EVI5: variants seen among roughly 807,000 people sequenced by gnomAD.
EVI5 encodes ecotropic viral integration site 5 protein homolog.
A neutral mutation model predicts 112.0 loss-of-function variants in EVI5; 73 were observed. The ratio of observed to expected loss-of-function variants is 0.65; its 90% CI spans 0.54 to 0.79. EVI5 has a LOEUF of 0.79. Ranked by LOEUF, EVI5 falls within the 30% of genes least tolerant of loss-of-function variation. The pLI is 0.00. For synonymous variants in EVI5, 305 were observed against 319.9 expected (o/e 0.95, Z 0.50); for missense variants, 900 against 968.8 (o/e 0.93, Z 0.94).
At chr1:92,690,981 T>C (rs1669413307) in intron 9 of EVI5, among the ~76,000 whole-genome samples, 1 of 152,154 alleles carries the variant, frequency 6.6e-6, no homozygotes, top group African/African-American at 2.4e-5. Context: ...GATACAGAAG[T>C]TAAATGAGAT....
chr1:92,719,582 C>T (rs1279224962), intron 2 of EVI5, among the ~76,000 whole-genome samples: 1 of 151,984 alleles, frequency 6.6e-6, no homozygotes, highest in East Asian at 1.9e-4. Flanking sequence ...AAACCCACAG[C>T]CAATATCATA....
intron 19 of EVI5, among the ~76,000 whole-genome samples, chr1:92,524,879 G>A (rs981383786): frequency 1.3e-5 from 2 of 149,518 alleles, no homozygotes; most frequent in African/African-American, 2.5e-5. Context: ...AGGCTGGAGT[G>A]CAGTGGCGTG....
chr1:92,755,339 A>G (rs536589539), intron 1 of EVI5, among the ~76,000 whole-genome samples: 1 of 152,278 alleles, frequency 6.6e-6, no homozygotes, highest in South Asian at 2.1e-4. Context: ...TGAACCCAGG[A>G]GGCAGATATT....
chr1:92,744,600 TCA>T (rs961223051), intron 1 of EVI5, among the ~76,000 whole-genome samples: 664 of 28,024 alleles, frequency 0.024, 10 homozygotes, highest in African/African-American at 0.058. Flanking sequence ...TCTCTCTCTC[TCA>T]CACACACACA....
intron 13 of EVI5, among the ~76,000 whole-genome samples, chr1:92,642,403 G>T (rs980055401): frequency 5.3e-5 from 8 of 152,088 alleles, no homozygotes; most frequent in African/African-American, 1.9e-4. Flanking sequence ...AAAAATCTCC[G>T]TCCAGATTTA....
At chr1:92,523,427 AATTT>A (rs1324541093) in intron 19 of EVI5, among the ~76,000 whole-genome samples, 3 of 151,990 alleles carry the variant, frequency 2.0e-5, no homozygotes, top group Admixed American at 1.3e-4. Context: ...CATTTTAAAA[AATTT>A]ATTAATATAT....
chr1:92,631,864 T>C (rs927399264), intron 14 of EVI5, among the ~76,000 whole-genome samples: 5 of 152,246 alleles, frequency 3.3e-5, no homozygotes, highest in African/African-American at 9.6e-5. Flanking sequence ...CATTGATACC[T>C]AATTTATTGA....
intron 18 of EVI5, among the ~76,000 whole-genome samples, chr1:92,590,268 T>C (rs1353217536): frequency 3.9e-5 from 6 of 152,106 alleles, no homozygotes; most frequent in African/African-American, 1.2e-4. Context: ...GGACGGAGAA[T>C]GACTTTGACG....
intron 1 of EVI5, among the ~76,000 whole-genome samples, chr1:92,777,587 CTT>C (rs1223502711): frequency 6.6e-6 from 1 of 152,164 alleles, no homozygotes; most frequent in Non-Finnish European, 1.5e-5. Flanking sequence ...TCCTGACACT[CTT>C]TTCAGACAAC....
Position 92,703,594 on chromosome 1 carries a change from T to C in EVI5, c.365A>G (p.His122Arg), listed in dbSNP as rs927667778. 1 of 1,590,166 alleles carries C rather than the reference T, an allele frequency of 6.3e-7. No homozygotes were observed. The highest frequency in any genetic ancestry group is 8.5e-7 in the Non-Finnish European group (1 of 1,171,208). ...TTGCCAAACTATTGCTCTAAAGTGA[T>C]GGGGTATCCCTTTATGAACAAGTTC... ...VKELVHKGIP[H>R]HFRAIVWQLL... Residue 122 changes from histidine (H) to arginine (R), a missense_variant, in exon 4 of 20, where the codon CAT (histidine) becomes CGT (arginine). By Grantham distance (29) the His-to-Arg change is conservative. Transcript: ENST00000684568.
intron 19 of EVI5, among the ~76,000 whole-genome samples, chr1:92,562,513 G>C (rs1053529747): frequency 2.0e-5 from 3 of 152,070 alleles, no homozygotes; most frequent in Non-Finnish European, 4.4e-5. Context: ...CTGGCCGACA[G>C]AGCGAGACTC....
At chr1:92,754,980 T>C (rs1424076089) in intron 1 of EVI5, among the ~76,000 whole-genome samples, 2 of 152,060 alleles carry the variant, frequency 1.3e-5, no homozygotes, top group Non-Finnish European at 2.9e-5. Flanking sequence ...TACATGTAAG[T>C]ATAATGTTAT....
At chr1:92,718,083 CAAT>C (rs1159882719) in intron 2 of EVI5, among the ~76,000 whole-genome samples, 4 of 152,178 alleles carry the variant, frequency 2.6e-5, no homozygotes, top group South Asian at 2.1e-4. Flanking sequence ...GACTCCCACA[CAAT>C]AATAACAGGA....
At position 92,611,809 on chromosome 1, in the gene EVI5, T is replaced by C. The variant is rs1651887343; in HGVS notation, c.1828-4082A>G. The stretch of plus-strand genomic sequence containing the variant: ...CTGTAGTCCCAGCTACTTGGGAGGC[T>C]GGGGCAGGAGAACTGTTTGAGGTCA... On this transcript the variant is annotated intron_variant, in intron 16 of 19. Transcript: ENST00000684568. 2.0e-5 allele frequency among the ~76,000 whole-genome samples: 3 copies of C among 151,484 alleles called. No homozygotes were observed. In the South Asian group the frequency reaches 6.3e-4, roughly 32 times the overall value.
chr1:92,716,526 A>C (rs1331736424), intron 2 of EVI5, among the ~76,000 whole-genome samples: 1 of 152,276 alleles, frequency 6.6e-6, no homozygotes, highest in Non-Finnish European at 1.5e-5. Context: ...ACCAGAGCAG[A>C]AAAGCTAAAA....
At chr1:92,664,416 A>T (rs1664526069) in intron 11 of EVI5, among the ~76,000 whole-genome samples, 1 of 151,622 alleles carries the variant, frequency 6.6e-6, no homozygotes, top group Non-Finnish European at 1.5e-5. Flanking sequence ...TTACAGCATC[A>T]TTCTCATTCC....
intron 19 of EVI5, among the ~76,000 whole-genome samples, chr1:92,561,660 T>TCTAA (rs199858897): frequency 8.6e-4 from 108 of 125,000 alleles, no homozygotes; most frequent in Admixed American, 8.5e-3. Flanking sequence ...TATCTATCTA[T>TCTAA]CTATCAGAGT....
At chr1:92,555,225 T>G (rs1287816104) in intron 19 of EVI5, among the ~76,000 whole-genome samples, 1 of 152,082 alleles carries the variant, frequency 6.6e-6, no homozygotes, top group African/African-American at 2.4e-5. Flanking sequence ...AAGAACAAAT[T>G]TAAGGGAATA....
At chr1:92,550,178 T>C (rs1178303910) in intron 19 of EVI5, among the ~76,000 whole-genome samples, 3 of 151,942 alleles carry the variant, frequency 2.0e-5, no homozygotes, top group Non-Finnish European at 4.4e-5. Context: ...TAAAAAACAA[T>C]GAGTTCATGT....
Sources: gnomAD v4.1 joint callset for allele counts (sites outside exome capture counted in the v4.1 genomes callset) on GRCh38, gnomAD v4.1.1 for gene constraint, MANE v1.5 for transcripts, NCBI Gene and HGNC (gene_info 2026-07-23, HGNC 2026-07-21) for gene names.